ATRNL1: variants seen among roughly 807,000 people sequenced by gnomAD.
ATRNL1 encodes attractin like 1.
Under a neutral mutation model 182.7 loss-of-function variants are expected in ATRNL1, and 95 were observed. The ratio of observed to expected loss-of-function variants is 0.52; its 90% confidence interval spans 0.44 to 0.62. The LOEUF (loss-of-function observed/expected upper bound fraction) is 0.62. Among genes scored for constraint, ATRNL1 ranks in the 20% least tolerant of loss-of-function variants. The probability of loss-of-function intolerance (pLI) is 0.00; values close to 1 mark genes in which losing one functional copy is unlikely to be tolerated. For synonymous variants in ATRNL1, 576 were observed against 568.3 expected, an observed-to-expected ratio of 1.01 and a Z score of -0.19; for missense variants, 1,471 against 1,679.5, an observed-to-expected ratio of 0.88 and a Z score of 2.17.
rs782131723 is a variant in ATRNL1, at chr10:115,268,307, T to TC, written c.1982-14dup. The TC allele has an allele frequency of 7.2e-7, 1 of 1,392,288 alleles. No homozygotes were observed. The highest frequency in any genetic ancestry group is 1.0e-6 in the Non-Finnish European group (1 of 978,666). The allele number at this position is 1,392,288 out of a possible 1,614,324, so 86.2% of individuals were successfully genotyped here. On this transcript the variant is annotated intron_variant, in intron 12 of 28. Transcript: ENST00000355044. ...TTTTCTTTTCCGTGCTGATATATCG[T>TC]CCCCCATTTGTATTATAGCTGCTTC...
At chr10:115,507,759 A>G (rs1283489913) in intron 24 of ATRNL1, among the ~76,000 whole-genome samples, 1 of 152,078 alleles carries the variant, frequency 6.6e-6, no homozygotes, top group Non-Finnish European at 1.5e-5. Flanking sequence ...TTGTAGAAGT[A>G]TATGTAGAGA....
intron 10 of ATRNL1, among the ~76,000 whole-genome samples, chr10:115,258,278 T>G (rs935678822): frequency 6.6e-6 from 1 of 151,168 alleles, no homozygotes; most frequent in African/African-American, 2.5e-5. Context: ...TCTTTTCACA[T>G]AGTCCCATAT....
intron 28 of ATRNL1, among the ~76,000 whole-genome samples, chr10:115,937,963 C>A (rs1555123269): frequency 6.6e-6 from 1 of 152,202 alleles, no homozygotes; most frequent in African/African-American, 2.4e-5. Context: ...TACAATTAAC[C>A]TTTCACACCT....
At chr10:115,757,542 G>A (rs1242530700) in intron 27 of ATRNL1, among the ~76,000 whole-genome samples, 1 of 152,128 alleles carries the variant, frequency 6.6e-6, no homozygotes, top group Admixed American at 6.5e-5. Context: ...TTAGTCTGAT[G>A]GGCTTCCCTT....
chr10:115,699,328 C>T (rs1276450828), intron 26 of ATRNL1, among the ~76,000 whole-genome samples: 1 of 152,006 alleles, frequency 6.6e-6, no homozygotes, highest in African/African-American at 2.4e-5. Context: ...CAAGAATATC[C>T]AAGACACTCT....
At chr10:115,831,122 C>G (rs1555093547) in intron 27 of ATRNL1, among the ~76,000 whole-genome samples, 4 of 152,138 alleles carry the variant, frequency 2.6e-5, no homozygotes, top group African/African-American at 7.2e-5. Context: ...TGCCCTTGTT[C>G]TTCCAGAAAC....
intron 27 of ATRNL1, among the ~76,000 whole-genome samples, chr10:115,804,642 T>C (rs997241663): frequency 6.6e-6 from 1 of 152,156 alleles, no homozygotes; most frequent in Non-Finnish European, 1.5e-5. Flanking sequence ...TAAATTGTTA[T>C]GATAGCCTGA....
intron 19 of ATRNL1, among the ~76,000 whole-genome samples, chr10:115,359,544 A>G (rs572132978): frequency 2.0e-5 from 3 of 151,636 alleles, no homozygotes; most frequent in South Asian, 2.1e-4. Flanking sequence ...GGCAGTTCCA[A>G]TGTATGTATT....
At chr10:115,356,071 CA>C (rs1214866945) in intron 19 of ATRNL1, among the ~76,000 whole-genome samples, 2 of 152,042 alleles carry the variant, frequency 1.3e-5, no homozygotes, top group African/African-American at 4.8e-5. Context: ...GGATGTGACC[CA>C]AACATTCTCT....
rs1220656839 is a variant in ATRNL1 at position 115,735,934 on chromosome 10, A to C, written c.3903+8579A>C. Among the ~76,000 whole-genome samples, 4 of 152,032 alleles carry C rather than the reference A, an allele frequency of 2.6e-5. No homozygotes were observed. The East Asian group carries it at 7.7e-4, about 29-fold the overall frequency. On this transcript the variant is annotated intron_variant, in intron 27 of 28. Coordinates refer to ENST00000355044, the MANE Select transcript of ATRNL1 (RefSeq NM_207303.4). ...AAAACTTTCCTTCAGTATCATTGTC[A>C]CTCCTTTATAGAGAATCTAGCTTTT...
At chr10:115,440,430 A>G (rs958144197) in intron 21 of ATRNL1, among the ~76,000 whole-genome samples, 5 of 152,020 alleles carry the variant, frequency 3.3e-5, no homozygotes, top group Non-Finnish European at 5.9e-5. Context: ...ATACCTTGTC[A>G]TTAATAACAT....
chr10:115,451,312 A>G (rs1379332828), intron 21 of ATRNL1, among the ~76,000 whole-genome samples: 3 of 152,168 alleles, frequency 2.0e-5, no homozygotes, highest in Non-Finnish European at 2.9e-5. Context: ...GAAACTATCA[A>G]CAGAAACTAT....
intron 19 of ATRNL1, among the ~76,000 whole-genome samples, chr10:115,363,662 T>G (rs1178161922): frequency 2.6e-5 from 4 of 152,144 alleles, no homozygotes; most frequent in African/African-American, 9.7e-5. Flanking sequence ...GTCTAACGTT[T>G]AAGTCTTTAG....
At chr10:115,467,131 T>C (rs1848088182) in intron 22 of ATRNL1, 43 bp from the exon 23 acceptor site, 1 of 1,064,216 alleles carries the variant, frequency 9.4e-7, no homozygotes, top group South Asian at 1.3e-5. Context: ...ATATATCTAG[T>C]GTAATTTTCG....
chr10:115,547,516 T>C (rs1852735843), intron 25 of ATRNL1, among the ~76,000 whole-genome samples: 1 of 151,970 alleles, frequency 6.6e-6, no homozygotes, highest in South Asian at 2.1e-4. Flanking sequence ...TCATTTAAAT[T>C]GAGGTCGTAG....
At chr10:115,496,356 T>C (rs1283838810) in intron 24 of ATRNL1, among the ~76,000 whole-genome samples, 2 of 152,214 alleles carry the variant, frequency 1.3e-5, no homozygotes, top group Non-Finnish European at 2.9e-5. Flanking sequence ...TAGCACTCCT[T>C]AAGGATCTTT....
At chr10:115,667,020 G>T (rs1199593033) in intron 26 of ATRNL1, among the ~76,000 whole-genome samples, 1 of 152,070 alleles carries the variant, frequency 6.6e-6, no homozygotes, top group South Asian at 2.1e-4. Flanking sequence ...GACTATAGAT[G>T]AATAGCACAG....
intron 27 of ATRNL1, among the ~76,000 whole-genome samples, chr10:115,753,510 C>T (rs576032464): frequency 1.2e-4 from 18 of 152,186 alleles, no homozygotes; most frequent in African/African-American, 4.1e-4. Context: ...TGAACTCATC[C>T]TTTTTAATGG....
intron 18 of ATRNL1, among the ~76,000 whole-genome samples, chr10:115,319,693 G>A (rs1193379626): frequency 2.0e-5 from 3 of 150,742 alleles, no homozygotes; most frequent in East Asian, 3.9e-4. Flanking sequence ...GTTTGTCAGA[G>A]ACTAGTATTG....
Sources: gnomAD v4.1 joint callset for allele counts (sites outside exome capture counted in the v4.1 genomes callset) on GRCh38, gnomAD v4.1.1 for gene constraint, MANE v1.5 for transcripts, NCBI Gene and HGNC (gene_info 2026-07-23, HGNC 2026-07-21) for gene names.